The following DIAPH2 variants were observed in gnomAD, a reference collection of about 807,000 sequenced individuals.
DIAPH2 encodes the protein diaphanous related formin 2, also known as protein diaphanous homolog 2.
A neutral mutation model predicts 92.7 loss-of-function variants in DIAPH2; 35 were observed. That is an observed-to-expected ratio of 0.38 (90% CI 0.29 to 0.50). DIAPH2 has a LOEUF of 0.50. DIAPH2 is among the 20% of genes least tolerant of loss of function. The pLI is 0.94. For synonymous variants in DIAPH2, 301 were observed against 280.4 expected, an observed-to-expected ratio of 1.07 and a Z score of -0.73; for missense variants, 701 against 819.5, an observed-to-expected ratio of 0.86 and a Z score of 1.77.
chrX:97,071,170 G>A (rs995649595), intron 17 of DIAPH2, among the ~76,000 whole-genome samples: 1 of 111,466 alleles, frequency 9.0e-6, no homozygotes, highest in Non-Finnish European at 1.9e-5. Context: ...CAAAGGGAAT[G>A]ACTATTGGAC....
Position 97,426,645 on chromosome X carries a change from C to T in DIAPH2, c.3146-3005C>T, listed in dbSNP as rs760620998. Among the ~76,000 whole-genome samples the T allele has an allele frequency of 4.5e-5, 5 of 110,994 alleles. No individual in the cohort carries two copies. The Admixed American group carries it at 4.8e-4, about 11-fold the overall frequency. On this transcript the variant is annotated intron_variant, in intron 25 of 26. Transcript: ENST00000324765. ...TCTGAGTCATTCTCCACAATGCTGTCTAACAAGTCTTTCTAAAGAATAAAT... is the reference window on the plus strand; with the variant it reads ...TCTGAGTCATTCTCCACAATGCTGTTTAACAAGTCTTTCTAAAGAATAAAT...
intron 5 of DIAPH2, among the ~76,000 whole-genome samples, chrX:96,902,577 G>A (rs996626485): frequency 1.8e-5 from 2 of 110,938 alleles, no homozygotes; most frequent in South Asian, 3.8e-4. Flanking sequence ...TAATTCCTGC[G>A]TTAATTACTT....
chrX:96,806,646 CAAAA>C lies in DIAPH2; in HGVS notation c.447+48403_447+48406del, dbSNP rs1234663626. ...GGGCAACAGTAGTGAAACTCCATCTCAAAAAAAAAAAAAAAAAAGAAACAAAGAA... is the reference window on the plus strand; with the variant it reads ...GGGCAACAGTAGTGAAACTCCATCTCAAAAAAAAAAAAAAGAAACAAAGAA... On this transcript the variant is annotated intron_variant, in intron 4 of 26. Coordinates refer to ENST00000324765, the MANE Select transcript of DIAPH2 (RefSeq NM_006729.5). Among the ~76,000 whole-genome samples, 47 of 34,440 alleles carry C rather than the reference CAAAA, an allele frequency of 1.4e-3. 2 individuals carry two copies. The highest frequency in any genetic ancestry group is 6.9e-3 in the African/African-American group (46 of 6,628). The allele number at this position is 34,440 out of a possible 115,157, so 29.9% of individuals were successfully genotyped here. A position where few individuals can be genotyped will look rare whatever the true frequency, so the allele number is the denominator to read the frequency against.
intron 4 of DIAPH2, among the ~76,000 whole-genome samples, chrX:96,878,740 A>G (rs751606240): frequency 9.0e-6 from 1 of 111,453 alleles, no homozygotes; most frequent in East Asian, 2.8e-4. Context: ...TAGGGAATCA[A>G]TTAGAAAAAG....
At chrX:97,460,048 A>G (rs1261152974) in intron 26 of DIAPH2, among the ~76,000 whole-genome samples, 1 of 112,343 alleles carries the variant, frequency 8.9e-6, no homozygotes, top group Non-Finnish European at 1.9e-5. Flanking sequence ...CTAAAGACAG[A>G]GTTCTTTGTC....
intron 18 of DIAPH2, among the ~76,000 whole-genome samples, chrX:97,073,475 C>G (rs1025471710): frequency 1.3e-4 from 15 of 112,020 alleles, no homozygotes; most frequent in African/African-American, 4.9e-4. Context: ...AATTGTTAAC[C>G]TTAACTGCAT....
chrX:97,004,030 T>G (rs2066162636), intron 17 of DIAPH2, among the ~76,000 whole-genome samples: 2 of 111,632 alleles, frequency 1.8e-5, no homozygotes, highest in African/African-American at 6.5e-5. Context: ...CAAATACCAT[T>G]TATTGAAGAC....
chrX:97,040,175 GTT>G (rs1337386799), intron 17 of DIAPH2, among the ~76,000 whole-genome samples: 3,503 of 96,539 alleles, frequency 0.036, 79 homozygotes, highest in Middle Eastern at 0.087. Flanking sequence ...ACCCTTGAGG[GTT>G]TTTTTTTTTT....
intron 23 of DIAPH2, among the ~76,000 whole-genome samples, chrX:97,314,676 G>C (rs1321950828): frequency 9.0e-6 from 1 of 111,480 alleles, no homozygotes; most frequent in South Asian, 3.8e-4. Context: ...ATACTGTAGG[G>C]GCTGATTTCT....
rs1295819766 is a variant in DIAPH2 at position 97,550,973 on chromosome X, A to AT, written c.3242-48275dup. 2.7e-5 allele frequency among the ~76,000 whole-genome samples: 3 copies of AT among 110,953 alleles called. No homozygotes were observed. The East Asian group carries it at 8.5e-4, about 31-fold the overall frequency. ...CCCTGTATATCCACAGAGGACATTC[A>AT]TTTTTAATTTCCTCTAAGAAAGAGG... is the stretch of plus-strand genomic sequence containing the variant. On this transcript the variant is annotated intron_variant, in intron 26 of 26. Coordinates refer to ENST00000324765, the MANE Select transcript of DIAPH2 (RefSeq NM_006729.5).
chrX:97,548,957 A>G (rs1242022595), intron 26 of DIAPH2, among the ~76,000 whole-genome samples: 2 of 112,527 alleles, frequency 1.8e-5, no homozygotes, highest in East Asian at 5.5e-4. Context: ...AGTTATTTGT[A>G]TATTAAGGCC....
intron 3 of DIAPH2, among the ~76,000 whole-genome samples, chrX:96,750,042 A>G (rs1308047349): frequency 2.0e-5 from 2 of 100,780 alleles, no homozygotes; most frequent in African/African-American, 3.7e-5. Flanking sequence ...AACTCATGCT[A>G]TATTTCAAGT....
At position 97,604,456 on chromosome X, in the gene DIAPH2, A is replaced by G. The variant is rs748570707; in HGVS notation, c.*5139A>G. On this transcript the variant is annotated 3_prime_UTR_variant, in exon 27 of 27. Transcript: ENST00000324765. ...TTCATTGCACACAAATGAATTTTTC[A>G]CTTTTTAAGATGCATTCTTGGTGCT... 2.1e-4 allele frequency: 23 copies of G among 111,854 alleles called. No individual in the cohort carries two copies. The East Asian group carries it at 6.5e-3, about 32-fold the overall frequency. The allele number at this position is 111,854 out of a possible 1,213,427, so 9.2% of individuals were successfully genotyped here.
intron 23 of DIAPH2, among the ~76,000 whole-genome samples, chrX:97,295,291 G>T (rs1199192443): frequency 8.9e-6 from 1 of 111,743 alleles, no homozygotes; most frequent in African/African-American, 3.2e-5. Context: ...ATCTTTTGCA[G>T]TAGCCACTTT....
chrX:97,228,400 T>C (rs981530755), intron 22 of DIAPH2, among the ~76,000 whole-genome samples: 1 of 111,710 alleles, frequency 9.0e-6, no homozygotes, highest in Non-Finnish European at 1.9e-5. Flanking sequence ...TTGAAAATAC[T>C]ATTTTTGTGG....
chrX:97,404,197 CT>C (rs2147752372), intron 25 of DIAPH2, among the ~76,000 whole-genome samples: 1 of 112,000 alleles, frequency 8.9e-6, no homozygotes, highest in African/African-American at 3.2e-5. Context: ...GAAATACCAG[CT>C]GTACTTGTAT....
At chrX:97,038,289 T>C (rs906733437) in intron 17 of DIAPH2, among the ~76,000 whole-genome samples, 1 of 111,864 alleles carries the variant, frequency 8.9e-6, no homozygotes, top group African/African-American at 3.2e-5. Flanking sequence ...GTTGGTTACA[T>C]ATCTTTGCAA....
At chrX:96,790,785 A>G (rs1011979395) in intron 4 of DIAPH2, among the ~76,000 whole-genome samples, 1 of 111,756 alleles carries the variant, frequency 8.9e-6, no homozygotes, top group Non-Finnish European at 1.9e-5. Flanking sequence ...AGGAGGAACT[A>G]TAAAAATATA....
chrX:97,009,312 C>T (rs761346957), intron 17 of DIAPH2, among the ~76,000 whole-genome samples: 2 of 111,714 alleles, frequency 1.8e-5, no homozygotes, highest in East Asian at 5.7e-4. Context: ...GGGACTCACC[C>T]TTCAGGTGAA....
Sources: gnomAD v4.1 joint callset for allele counts (sites outside exome capture counted in the v4.1 genomes callset) on GRCh38, gnomAD v4.1.1 for gene constraint, MANE v1.5 for transcripts, NCBI Gene and HGNC (gene_info 2026-07-23, HGNC 2026-07-21) for gene names.